The following FGF14 variants were observed in gnomAD, a reference collection of about 807,000 sequenced individuals.
The protein encoded by FGF14 is fibroblast growth factor homologous factor 4.
A neutral mutation model predicts 25.5 loss-of-function variants in FGF14; 5 were observed. The ratio of observed to expected loss-of-function variants is 0.20; its 90% CI spans 0.10 to 0.41. The LOEUF (loss-of-function observed/expected upper bound fraction) is 0.41. Among genes scored for constraint, FGF14 ranks in the 10% least tolerant of loss-of-function variants. FGF14 has a pLI of 1.00. For synonymous variants in FGF14, 138 were observed against 118.3 expected (o/e 1.17, Z -1.08); for missense variants, 222 against 320.1 (o/e 0.69, Z 2.34).
chr13:101,972,965 G>T (rs1400341256), intron 1 of FGF14, among the ~76,000 whole-genome samples: 1 of 152,156 alleles, frequency 6.6e-6, no homozygotes, highest in Non-Finnish European at 1.5e-5. Context: ...CAAACAGGAG[G>T]TCTGAGATTT....
chr13:102,031,724 C>A (rs1211523451), intron 1 of FGF14, among the ~76,000 whole-genome samples: 1 of 151,074 alleles, frequency 6.6e-6, no homozygotes, highest in Non-Finnish European at 1.5e-5. Flanking sequence ...TTGAAGAGCA[C>A]TGAGTCCATA....
At position 101,714,358 on chromosome 13, in the gene FGF14, C is replaced by A; in HGVS notation, c.*8473G>T. The A allele has an allele frequency of 3.6e-6, 3 of 832,664 alleles. No homozygotes were observed. Among genetic ancestry groups the A allele is most frequent in the Non-Finnish European group, 6.3e-6 (3 of 476,126 alleles). 51.6% of individuals were successfully genotyped at this position (832,664 alleles called of 1,614,324 possible). On this transcript the variant is annotated 3_prime_UTR_variant, in exon 5 of 5. Transcript: ENST00000376143. ...TGATGGGTTATTAGAAGCCTGTTGT[C>A]AGTGTGTCAACGATATTCTATTCGA...
chr13:102,192,476 T>A (rs1206164680), intron 1 of FGF14, among the ~76,000 whole-genome samples: 4 of 152,184 alleles, frequency 2.6e-5, no homozygotes, highest in Non-Finnish European at 5.9e-5. Context: ...GCAATAGAGA[T>A]AGGCTGAAAA....
Position 102,161,565 on chromosome 13 carries a change from T to TTAGTCATAGTACCCCAA in FGF14, c.208+239905_208+239906insTTGGGGTACTATGACTA, listed in dbSNP as rs371244160. Reference sequence around the variant, plus strand: ...TATTCTCTATGCAACCAACTTTCTGTGAAGAAAGAAAGAAGAAGAAGAAGA... The same window carrying TTAGTCATAGTACCCCAA: ...TATTCTCTATGCAACCAACTTTCTGTTAGTCATAGTACCCCAAGAAGAAAGAAAGAAGAAGAAGAAGA... On this transcript the variant is annotated intron_variant, in intron 1 of 4. Transcript: ENST00000376131. Among the ~76,000 whole-genome samples the TTAGTCATAGTACCCCAA allele has an allele frequency of 3.7e-4, 36 of 97,984 alleles. 8 individuals carry two copies. Among genetic ancestry groups the TTAGTCATAGTACCCCAA allele is most frequent in the Middle Eastern group, 9.6e-3 (2 of 208 alleles). The allele number at this position is 97,984 out of a possible 152,430, so 64.3% of individuals were successfully genotyped here.
chr13:102,400,671 G>T lies in FGF14; in HGVS notation c.208+800C>A, dbSNP rs1375660743. Among the ~76,000 whole-genome samples the T allele has an allele frequency of 6.6e-6, 1 of 152,336 alleles. No homozygotes were observed. Among genetic ancestry groups the T allele is most frequent in the South Asian group, 2.1e-4 (1 of 4,824 alleles). The stretch of plus-strand genomic sequence containing the variant: ...CCTTGTTGGAGCCCTTTGGAATCGG[G>T]GCGCATGATCACCAGTAGGCTTAAA... On this transcript the variant is annotated intron_variant, in intron 1 of 4. Coordinates refer to the FGF14 transcript ENST00000376131. The surrounding 1 kb of genome is among the most constrained non-coding windows in gnomAD (Gnocchi z 4.3).
At chr13:102,179,626 A>T (rs189524120) in intron 1 of FGF14, among the ~76,000 whole-genome samples, 1 of 152,296 alleles carries the variant, frequency 6.6e-6, no homozygotes, top group Admixed American at 6.5e-5. Context: ...TCAGGGAAGT[A>T]AATTGAGACT....
intron 1 of FGF14, among the ~76,000 whole-genome samples, chr13:102,343,733 C>T (rs2057022537): frequency 6.6e-6 from 1 of 152,164 alleles, no homozygotes; most frequent in Non-Finnish European, 1.5e-5. Context: ...TCTTTAGAAG[C>T]ATAGCAGAAT....
chr13:102,290,612 T>C (rs750591906), intron 1 of FGF14, among the ~76,000 whole-genome samples: 2 of 152,150 alleles, frequency 1.3e-5, no homozygotes, highest in African/African-American at 4.8e-5. Context: ...CTACCAACTT[T>C]TCCATTAAAT....
intron 1 of FGF14, among the ~76,000 whole-genome samples, chr13:101,906,680 C>T (rs2032287906): frequency 6.6e-6 from 1 of 152,184 alleles, no homozygotes; most frequent in East Asian, 1.9e-4. Flanking sequence ...ATAATATTAT[C>T]ATGTCTATAA....
intron 1 of FGF14, among the ~76,000 whole-genome samples, chr13:101,990,893 T>C (rs2038863853): frequency 6.6e-6 from 1 of 152,152 alleles, no homozygotes. Flanking sequence ...CACAAAGTTG[T>C]CATGAGGGTT....
intron 1 of FGF14, among the ~76,000 whole-genome samples, chr13:102,165,805 T>TATAATAATA (rs142783245): frequency 2.9e-4 from 43 of 148,320 alleles, no homozygotes; most frequent in African/African-American, 9.4e-4. Context: ...AAACTTAAAG[T>TATAATAATA]ATAATAATAA....
intron 1 of FGF14, among the ~76,000 whole-genome samples, chr13:102,181,136 T>C (rs550842926): frequency 2.4e-4 from 37 of 152,162 alleles, no homozygotes; most frequent in Admixed American, 5.2e-4. Context: ...AGTTTGATGA[T>C]AAAGAAAGCT....
At chr13:102,320,475 G>T (rs534780775) in intron 1 of FGF14, among the ~76,000 whole-genome samples, 16 of 152,182 alleles carry the variant, frequency 1.1e-4, no homozygotes, top group African/African-American at 3.9e-4. Context: ...CTCTGCTGTG[G>T]GACTGGAGTT....
At chr13:101,918,696 G>C (rs550128123), upstream of FGF14, among the ~76,000 whole-genome samples, 100 of 152,332 alleles carry the variant, frequency 6.6e-4, no homozygotes, top group African/African-American at 2.3e-3. Flanking sequence ...GCCACTGCTG[G>C]GCTGTTGTTT....
chr13:101,800,768 G>T (rs2040826224), intron 3 of FGF14, among the ~76,000 whole-genome samples: 1 of 152,146 alleles, frequency 6.6e-6, no homozygotes, highest in Non-Finnish European at 1.5e-5. Flanking sequence ...TTTGGATACA[G>T]AGTTCACACC....
At chr13:101,912,574 C>T (rs1431612207) in intron 1 of FGF14, among the ~76,000 whole-genome samples, 1 of 151,916 alleles carries the variant, frequency 6.6e-6, no homozygotes, top group African/African-American at 2.4e-5. Flanking sequence ...TGTTGATTTC[C>T]TTGTAAATTC....
At chr13:102,323,780 A>T (rs549415003) in intron 1 of FGF14, among the ~76,000 whole-genome samples, 136 of 152,218 alleles carry the variant, frequency 8.9e-4, no homozygotes, top group African/African-American at 3.0e-3. Context: ...AAAATCTCAT[A>T]CTCATAGGAG....
intron 1 of FGF14, among the ~76,000 whole-genome samples, chr13:102,111,543 T>C (rs1051056872): frequency 2.0e-5 from 3 of 151,958 alleles, no homozygotes; most frequent in Non-Finnish European, 2.9e-5. Context: ...GGCAAAATCC[T>C]GTCTCTACAA....
At chr13:102,161,574 A>AAGAAGAAG (rs1555369410) in intron 1 of FGF14, among the ~76,000 whole-genome samples, 2 of 5,312 alleles carry the variant, frequency 3.8e-4, no homozygotes, top group Non-Finnish European at 6.5e-4. Flanking sequence ...GTGAAGAAAG[A>AAGAAGAAG]AAGAAGAAGA....
Sources: gnomAD v4.1 joint callset for allele counts (sites outside exome capture counted in the v4.1 genomes callset) on GRCh38, gnomAD v4.1.1 for gene constraint, Gnocchi (gnomAD v3.1) non-coding constraint, MANE v1.5 for transcripts, NCBI Gene and HGNC (gene_info 2026-07-23, HGNC 2026-07-21) for gene names.